Variants in SDK1 observed in about 807,000 individuals in gnomAD.
SDK1 encodes the protein protein sidekick-1.
A neutral mutation model predicts 245.5 loss-of-function variants in SDK1; 157 were observed. The observed-to-expected ratio is 0.64, with a 90% CI of 0.56 to 0.73. The LOEUF is 0.73. Ranked by LOEUF, SDK1 falls within the 30% of genes least tolerant of loss-of-function variation. The probability of loss-of-function intolerance (pLI) is 0.00; values close to 1 mark genes in which losing one functional copy is unlikely to be tolerated. For synonymous variants in SDK1, 1,647 were observed against 1,278.5 expected, an observed-to-expected ratio of 1.29 and a Z score of -6.15; for missense variants, 3,583 against 3,002.3, an observed-to-expected ratio of 1.19 and a Z score of -4.52.
rs2115073533 is a variant in SDK1, at chr7:3,831,017, A to T, written c.847+9434A>T. Among the ~76,000 whole-genome samples, 3 of 152,320 alleles carry T rather than the reference A, an allele frequency of 2.0e-5. No individual in the cohort carries two copies. The South Asian group carries it at 6.2e-4, about 32-fold the overall frequency. Reference sequence around the variant, plus strand: ...ACTCTAGATGTATAGTCATTGAAGTACTTTGTCTACTCTCCTTGTCTCTGT... The same window carrying T: ...ACTCTAGATGTATAGTCATTGAAGTTCTTTGTCTACTCTCCTTGTCTCTGT... On this transcript the variant is annotated intron_variant, in intron 5 of 44. Transcript: ENST00000404826.
At chr7:3,366,941 C>A (rs1399844241) in intron 1 of SDK1, among the ~76,000 whole-genome samples, 2 of 151,928 alleles carry the variant, frequency 1.3e-5, no homozygotes, top group Admixed American at 1.3e-4. Context: ...AGGGTTTTAC[C>A]ATGTTGGCCA....
chr7:4,153,398 C>T (rs1022245505), intron 30 of SDK1, among the ~76,000 whole-genome samples: 2 of 151,990 alleles, frequency 1.3e-5, no homozygotes, highest in Non-Finnish European at 2.9e-5. Flanking sequence ...CCATCCTGGC[C>T]GATATGGTGA....
chr7:3,740,642 G>T (rs540827595), intron 4 of SDK1, among the ~76,000 whole-genome samples: 38 of 152,290 alleles, frequency 2.5e-4, no homozygotes, highest in African/African-American at 9.1e-4. Flanking sequence ...TTGCAAGACT[G>T]TTGGTTTTCA....
In SDK1 at chr7:4,265,112, C is replaced by G; in HGVS notation, c.6382-12C>G. 1.2e-6 allele frequency: 2 copies of G among 1,608,430 alleles called. No homozygotes were observed. The highest frequency in any genetic ancestry group is 8.5e-7 in the Non-Finnish European group (1 of 1,178,908). The stretch of plus-strand genomic sequence containing the variant: ...TGCCCTGCACTCACACCTTCTCTCC[C>G]GCTCCCCGCAGGCCACGGACTCTGA... On this transcript the variant is annotated splice_polypyrimidine_tract_variant and intron_variant, in intron 44 of 44. Transcript: ENST00000404826.
intron 42 of SDK1, among the ~76,000 whole-genome samples, chr7:4,240,755 G>A (rs1283963712): frequency 6.6e-6 from 1 of 152,176 alleles, no homozygotes; most frequent in African/African-American, 2.4e-5. Context: ...AGAAACAGAG[G>A]TCACTTTATG....
intron 5 of SDK1, among the ~76,000 whole-genome samples, chr7:3,837,258 G>T (rs1478760289): frequency 6.6e-6 from 1 of 152,120 alleles, no homozygotes; most frequent in African/African-American, 2.4e-5. Context: ...TTGTGGCCTG[G>T]ATTTGCTCCT....
chr7:3,875,160 TC>T (rs1333596758), intron 5 of SDK1, among the ~76,000 whole-genome samples: 2 of 152,196 alleles, frequency 1.3e-5, no homozygotes, highest in African/African-American at 4.8e-5. Flanking sequence ...TGGGTCTGTT[TC>T]TCCCTGGAAA....
intron 1 of SDK1, among the ~76,000 whole-genome samples, chr7:3,422,467 C>G (rs1005491286): frequency 1.3e-5 from 2 of 152,022 alleles, no homozygotes; most frequent in African/African-American, 4.8e-5. Flanking sequence ...AGAATATAAC[C>G]AACTTTTCTT....
chr7:4,254,676 T>C lies in SDK1; in HGVS notation c.6381+8871T>C, dbSNP rs1336596860. ...GTATGCATTATACTTTCCTGGGTTT[T>C]TTTGAAAACAGATCATTTTTGGTCA... On this transcript the variant is annotated intron_variant, in intron 44 of 44. Transcript: ENST00000404826. Among the ~76,000 whole-genome samples, 2 of 152,148 alleles carry C rather than the reference T, an allele frequency of 1.3e-5. 1 individual carries two copies. The highest frequency in any genetic ancestry group is 2.9e-5 in the Non-Finnish European group (2 of 68,038).
At chr7:4,222,602 A>G (rs1395523256) in intron 40 of SDK1, among the ~76,000 whole-genome samples, 1 of 152,208 alleles carries the variant, frequency 6.6e-6, no homozygotes, top group Non-Finnish European at 1.5e-5. Flanking sequence ...GCCGCCTTCT[A>G]GAAACTTCTA....
At chr7:3,843,775 C>A (rs1319178034) in intron 5 of SDK1, among the ~76,000 whole-genome samples, 1 of 152,098 alleles carries the variant, frequency 6.6e-6, no homozygotes, top group African/African-American at 2.4e-5. Flanking sequence ...CCTCAGTTTT[C>A]CCATCTGTGA....
chr7:4,207,016 A>G (rs1171299934), intron 36 of SDK1, among the ~76,000 whole-genome samples: 1 of 152,216 alleles, frequency 6.6e-6, no homozygotes, highest in Non-Finnish European at 1.5e-5. Context: ...AATTTCCTTA[A>G]TGATAAAGAC....
At chr7:3,658,010 G>A (rs1379059784) in intron 4 of SDK1, among the ~76,000 whole-genome samples, 2 of 152,188 alleles carry the variant, frequency 1.3e-5, no homozygotes, top group Admixed American at 6.5e-5. Flanking sequence ...TGGCCAAAGG[G>A]TCCTGCACAG....
At chr7:3,989,352 G>C (rs1368424320) in intron 14 of SDK1, among the ~76,000 whole-genome samples, 1 of 152,174 alleles carries the variant, frequency 6.6e-6, no homozygotes, top group Non-Finnish European at 1.5e-5. Flanking sequence ...GCACAGGAGA[G>C]ACCTGCCCCC....
intron 4 of SDK1, among the ~76,000 whole-genome samples, chr7:3,803,298 T>TCTTTC (rs1217867400): frequency 9.9e-6 from 1 of 101,342 alleles, no homozygotes; most frequent in African/African-American, 2.9e-5. Flanking sequence ...TCTTTTCTTT[T>TCTTTC]CTTTCTTTCT....
intron 4 of SDK1, among the ~76,000 whole-genome samples, chr7:3,668,418 CCT>C (rs1783601436): frequency 6.6e-6 from 1 of 151,968 alleles, no homozygotes; most frequent in Non-Finnish European, 1.5e-5. Flanking sequence ...GCATGGACTT[CCT>C]TCAAAGATTA....
chr7:4,178,549 A>C lies in SDK1; in HGVS notation c.5061A>C (p.Pro1687=). The C allele has an allele frequency of 1.9e-6, 3 of 1,613,496 alleles. No individual in the cohort carries two copies. Among genetic ancestry groups the C allele is most frequent in the Middle Eastern group, 1.7e-4 (1 of 6,060 alleles). The change falls in exon 35 of 45, where the codon CCA becomes CCC. Residue 1687 remains proline, a synonymous_variant. Transcript: ENST00000404826. ...MTAYNIIGES[P]ASAPVEVFVG... ...CCTATAACATCATCGGCGAGAGCCC[A>C]GCCAGCGCGCCCGTGGAGGTCTTTG...
intron 4 of SDK1, among the ~76,000 whole-genome samples, chr7:3,687,877 G>C (rs548864813): frequency 6.6e-6 from 1 of 152,158 alleles, no homozygotes; most frequent in African/African-American, 2.4e-5. Flanking sequence ...CAGGAACCTG[G>C]ATAAAGGTAC....
At chr7:4,208,912 G>C (rs1363413739) in intron 37 of SDK1, among the ~76,000 whole-genome samples, 1 of 152,246 alleles carries the variant, frequency 6.6e-6, no homozygotes, top group Non-Finnish European at 1.5e-5. Context: ...AGGATGCTGT[G>C]AAGCTGCTTG....
Sources: gnomAD v4.1 joint callset for allele counts (sites outside exome capture counted in the v4.1 genomes callset) on GRCh38, gnomAD v4.1.1 for gene constraint, MANE v1.5 for transcripts, NCBI Gene and HGNC (gene_info 2026-07-23, HGNC 2026-07-21) for gene names.